DPP6: variants seen among roughly 807,000 people sequenced by gnomAD.
DPP6 encodes dipeptidyl peptidase like 6, also known as A-type potassium channel modulatory protein DPP6.
In DPP6, 69 loss-of-function variants were observed where a neutral mutation model predicts 122.6. The ratio of observed to expected loss-of-function variants is 0.56; its 90% confidence interval spans 0.46 to 0.69. DPP6 has a LOEUF of 0.69. Ranked by LOEUF, DPP6 falls within the 30% of genes least tolerant of loss-of-function variation. The probability of loss-of-function intolerance (pLI) is 0.00; values close to 1 mark genes in which losing one functional copy is unlikely to be tolerated. For synonymous variants in DPP6, 418 were observed against 433.1 expected, an observed-to-expected ratio of 0.97 and a Z score of 0.43; for missense variants, 928 against 1,116.9, an observed-to-expected ratio of 0.83 and a Z score of 2.41.
At chr7:154,782,822 C>T (rs944175208) in intron 10 of DPP6, among the ~76,000 whole-genome samples, 3 of 152,054 alleles carry the variant, frequency 2.0e-5, no homozygotes, top group African/African-American at 4.8e-5. Flanking sequence ...CTCGCTCTGT[C>T]GCCCAGGTTG....
chr7:154,313,965 C>G (rs1450754138), intron 1 of DPP6, among the ~76,000 whole-genome samples: 1 of 151,680 alleles, frequency 6.6e-6, no homozygotes, highest in African/African-American at 2.4e-5. Flanking sequence ...AGAACTTTGG[C>G]AGGTAAGAAC....
At chr7:154,158,544 G>T (rs1201600149) in intron 1 of DPP6, among the ~76,000 whole-genome samples, 1 of 151,396 alleles carries the variant, frequency 6.6e-6, no homozygotes, top group Non-Finnish European at 1.5e-5. Flanking sequence ...AACAGATTTT[G>T]TTCTTTTTGA....
upstream of DPP6, among the ~76,000 whole-genome samples, chr7:153,886,449 G>A (rs1798918185): frequency 6.6e-6 from 1 of 152,148 alleles, no homozygotes; most frequent in South Asian, 2.1e-4. Flanking sequence ...GGAGAGCCGT[G>A]GGCGCCAGAC....
intron 5 of DPP6, among the ~76,000 whole-genome samples, chr7:154,567,285 A>G (rs1048041090): frequency 2.0e-5 from 3 of 152,216 alleles, no homozygotes; most frequent in Non-Finnish European, 4.4e-5. Context: ...GGTTCTCCTT[A>G]AACTGAAATA....
At chr7:154,699,405 T>A (rs921824569) in intron 7 of DPP6, among the ~76,000 whole-genome samples, 2 of 152,124 alleles carry the variant, frequency 1.3e-5, no homozygotes, top group African/African-American at 4.8e-5. Flanking sequence ...ATTTGTGGAG[T>A]GAGAGAGTGC....
chr7:154,466,825 A>G (rs527640609), intron 2 of DPP6, among the ~76,000 whole-genome samples: 2 of 152,306 alleles, frequency 1.3e-5, no homozygotes, highest in East Asian at 3.9e-4. Context: ...AAGCACATTC[A>G]TTCACTCTAC....
At chr7:154,682,051 T>TTTA (rs1839313353) in intron 7 of DPP6, among the ~76,000 whole-genome samples, 1 of 152,212 alleles carries the variant, frequency 6.6e-6, no homozygotes, top group Non-Finnish European at 1.5e-5. Flanking sequence ...AAATTAAATG[T>TTTA]CAGATTTATA....
chr7:154,194,534 C>A (rs1043993869), intron 1 of DPP6, among the ~76,000 whole-genome samples: 2 of 152,212 alleles, frequency 1.3e-5, no homozygotes, highest in African/African-American at 4.8e-5. Flanking sequence ...CTCTGTGACA[C>A]CTCACCTCGC....
At chr7:154,556,755 A>G (rs558925863) in intron 4 of DPP6, among the ~76,000 whole-genome samples, 1 of 152,342 alleles carries the variant, frequency 6.6e-6, no homozygotes, top group South Asian at 2.1e-4. Flanking sequence ...AACAAGTAAA[A>G]GGAGTATATC....
At chr7:154,333,755 T>C (rs887359633) in intron 1 of DPP6, among the ~76,000 whole-genome samples, 1 of 152,218 alleles carries the variant, frequency 6.6e-6, no homozygotes, top group African/African-American at 2.4e-5. Context: ...AAAACAACAT[T>C]CAGTTTGGTA....
At chr7:154,817,622 A>C (rs1335812524) in intron 16 of DPP6, among the ~76,000 whole-genome samples, 1 of 152,222 alleles carries the variant, frequency 6.6e-6, no homozygotes, top group Non-Finnish European at 1.5e-5. Flanking sequence ...TGTCATGAAC[A>C]TCATGAGTGA....
intron 3 of DPP6, among the ~76,000 whole-genome samples, chr7:154,506,199 C>T (rs1290558855): frequency 6.7e-6 from 1 of 150,308 alleles, no homozygotes; most frequent in Non-Finnish European, 1.5e-5. Context: ...GATGTAGCTC[C>T]TTTTTTTGTA....
chr7:153,790,078 GTAAC>G, the DPP6 span, among the ~76,000 whole-genome samples: 45 of 152,136 alleles, frequency 3.0e-4, no homozygotes, highest in South Asian at 1.7e-3. Context: ...AATAATTTCA[GTAAC>G]TAACTTTTAT....
At chr7:154,455,477 T>C (rs983049337) in intron 2 of DPP6, among the ~76,000 whole-genome samples, 1 of 152,158 alleles carries the variant, frequency 6.6e-6, no homozygotes, top group African/African-American at 2.4e-5. Context: ...AGTCATTCTT[T>C]AAATTGAAAC....
intron 12 of DPP6, among the ~76,000 whole-genome samples, chr7:154,800,478 G>A (rs1341232828): frequency 6.6e-6 from 1 of 152,342 alleles, no homozygotes; most frequent in East Asian, 1.9e-4. Context: ...AGAGGCCAAG[G>A]TACCGCGGTA....
At chr7:154,542,854 C>T (rs551039735) in intron 4 of DPP6, among the ~76,000 whole-genome samples, 67 of 152,230 alleles carry the variant, frequency 4.4e-4, no homozygotes, top group Middle Eastern at 6.8e-3. Context: ...ATTTAATTTC[C>T]GCAGAGCCAC....
intron 16 of DPP6, among the ~76,000 whole-genome samples, chr7:154,814,995 C>T (rs1467539998): frequency 6.6e-6 from 1 of 152,182 alleles, no homozygotes; most frequent in Non-Finnish European, 1.5e-5. Context: ...TCACAGGAAC[C>T]GAGGGTCAGG....
At chr7:153,944,449 G>A (rs1243848547) in intron 1 of DPP6, among the ~76,000 whole-genome samples, 4 of 152,152 alleles carry the variant, frequency 2.6e-5, no homozygotes, top group African/African-American at 9.7e-5. Context: ...AAGGCAGCGA[G>A]AAGAGCGTGT....
At chr7:154,688,359 T>A (rs965206498) in intron 7 of DPP6, among the ~76,000 whole-genome samples, 6 of 152,216 alleles carry the variant, frequency 3.9e-5, no homozygotes, top group Non-Finnish European at 4.4e-5. Context: ...TCTCCATAAA[T>A]TTTTATAATT....
Sources: gnomAD v4.1 joint callset for allele counts (sites outside exome capture counted in the v4.1 genomes callset) on GRCh38, gnomAD v4.1.1 for gene constraint, MANE v1.5 for transcripts, NCBI Gene and HGNC (gene_info 2026-07-23, HGNC 2026-07-21) for gene names.